CHRNA3: variants seen among roughly 807,000 people sequenced by gnomAD.
CHRNA3 encodes cholinergic receptor nicotinic alpha 3 subunit, also known as neuronal acetylcholine receptor subunit alpha-3.
Under a neutral mutation model 41.9 loss-of-function variants are expected in CHRNA3, and 34 were observed. The observed-to-expected ratio is 0.81, with a 90% CI of 0.62 to 1.08. The LOEUF is 1.08. Ranked by LOEUF, CHRNA3 falls within the 50% of genes least tolerant of loss-of-function variation. The probability of loss-of-function intolerance (pLI) is 0.00; values close to 1 mark genes in which losing one functional copy is unlikely to be tolerated. For missense variants in CHRNA3, 542 were observed against 638.3 expected, an observed-to-expected ratio of 0.85 and a Z score of 1.63; for synonymous variants, 281 against 265.2, an observed-to-expected ratio of 1.06 and a Z score of -0.58.
In CHRNA3 at chr15:78,610,185, C is replaced by T. The variant is rs191922107; in HGVS notation, c.377+6839G>A. Among the ~76,000 whole-genome samples the T allele has an allele frequency of 2.2e-3, 338 of 152,176 alleles. 1 individual carries two copies. The highest frequency in any genetic ancestry group is 7.6e-3 in the African/African-American group (315 of 41,510). Reference sequence around the variant, plus strand: ...CAGATCAACAAGACAAAGTTAACAACGATACCCAGGAATTGAACTCAGCTC... The same window carrying T: ...CAGATCAACAAGACAAAGTTAACAATGATACCCAGGAATTGAACTCAGCTC... On this transcript the variant is annotated intron_variant, in intron 4 of 5. Coordinates refer to ENST00000326828, the MANE Select transcript of CHRNA3 (RefSeq NM_000743.5).
intron 4 of CHRNA3, among the ~76,000 whole-genome samples, chr15:78,610,014 CAAG>C (rs1852208446): frequency 6.6e-6 from 1 of 152,168 alleles, no homozygotes; most frequent in Non-Finnish European, 1.5e-5. Context: ...ATCAATTCAA[CAAG>C]AAGAGCTAAC....
intron 5 of CHRNA3, among the ~76,000 whole-genome samples, chr15:78,599,033 T>G (rs1238087519): frequency 1.4e-5 from 2 of 142,380 alleles, no homozygotes; most frequent in Non-Finnish European, 3.0e-5. Flanking sequence ...GAGATGGAGG[T>G]TCACCATTGT....
chr15:78,602,633 G>C (rs1460247778), intron 4 of CHRNA3, among the ~76,000 whole-genome samples: 1 of 152,168 alleles, frequency 6.6e-6, no homozygotes, highest in African/African-American at 2.4e-5. Context: ...AGCAGCCTTT[G>C]GGATTATTTG....
Position 78,596,111 on chromosome 15 carries a change from C to T in CHRNA3, c.*493G>A, listed in dbSNP as rs1316000529. On this transcript the variant is annotated 3_prime_UTR_variant, in exon 6 of 6. Transcript: ENST00000326828. ...TAGTTGAAGCTCTCTGAAATGGAGG[C>T]ATAGCCCTTTAGACCCAGTAAAGAA... 4.0e-5 allele frequency: 39 copies of T among 985,310 alleles called. No individual in the cohort carries two copies. The highest frequency in any genetic ancestry group is 4.2e-5 in the Non-Finnish European group (35 of 829,924). The allele number at this position is 985,310 out of a possible 1,614,324, so 61.0% of individuals were successfully genotyped here.
intron 3 of CHRNA3, 54 bp downstream of exon 3, chr15:78,618,563 C>G: frequency 6.2e-7 from 1 of 1,607,964 alleles, no homozygotes; most frequent in Non-Finnish European, 8.5e-7. Flanking sequence ...TCACCTAAAG[C>G]AAATAAAACA....
At chr15:78,602,776 G>A (rs2053226251) in intron 4 of CHRNA3, among the ~76,000 whole-genome samples, 1 of 152,126 alleles carries the variant, frequency 6.6e-6, no homozygotes, top group Non-Finnish European at 1.5e-5. Context: ...CCCATTAAAC[G>A]GAACCTTGTC....
chr15:78,608,266 T>A lies in CHRNA3; in HGVS notation c.378-6002A>T, dbSNP rs370394477. ...ATCTGAGAACGGGCAGACTGCCTCC[T>A]CAAGTGGGTCCCTGACCCCCGAGCA... On this transcript the variant is annotated intron_variant, in intron 4 of 5. Transcript: ENST00000326828. 5.6e-4 allele frequency among the ~76,000 whole-genome samples: 86 copies of A among 152,332 alleles called. 2 individuals carry two copies. In the East Asian group the frequency reaches 0.013, roughly 23 times the overall value.
In CHRNA3 at chr15:78,596,357, A is replaced by C; in HGVS notation, c.*247T>G. 4.4e-6 allele frequency: 5 copies of C among 1,139,182 alleles called. No individual in the cohort carries two copies. The South Asian group carries it at 1.8e-4, about 41-fold the overall frequency. 70.6% of individuals were successfully genotyped at this position (1,139,182 alleles called of 1,614,324 possible). A position where few individuals can be genotyped will look rare whatever the true frequency, so the allele number is the denominator to read the frequency against. ...TATTCCATAGCATAGCATACTAATC[A>C]CATAGAATCACATTTTGACATCTCT... On this transcript the variant is annotated 3_prime_UTR_variant, in exon 6 of 6. Transcript: ENST00000326828.
rs779709558 is a variant in CHRNA3, at chr15:78,616,976, AG to A, written c.377+47del. On this transcript the variant is annotated intron_variant, in intron 4 of 5. Transcript: ENST00000326828. ...TAAGCACAGTGGGCCAAAAACCCAG[AG>A]CCCAGGCTGACAGCCCTGAGAGGGC... The A allele has an allele frequency of 3.6e-6, 5 of 1,378,658 alleles. No homozygotes were observed. In the East Asian group the frequency reaches 1.2e-4, roughly 32 times the overall value. 85.4% of individuals were successfully genotyped at this position (1,378,658 alleles called of 1,614,324 possible). A position where few individuals can be genotyped will look rare whatever the true frequency, so the allele number is the denominator to read the frequency against.
chr15:78,608,010 G>T (rs1014279954), intron 4 of CHRNA3, among the ~76,000 whole-genome samples: 2 of 152,210 alleles, frequency 1.3e-5, no homozygotes, highest in Non-Finnish European at 2.9e-5. Context: ...AGGCGGCAGC[G>T]ATGCTGGGGG....
At position 78,609,675 on chromosome 15, in the gene CHRNA3, G is replaced by A. The variant is rs549801421; in HGVS notation, c.377+7349C>T. On this transcript the variant is annotated intron_variant, in intron 4 of 5. Transcript: ENST00000326828. ...CTAGGAAGAAACTGCATCAACTAAC[G>A]AGCAAAATCACCAGCTAACATAATA... Among the ~76,000 whole-genome samples, 26 of 152,214 alleles carry A rather than the reference G, an allele frequency of 1.7e-4. No homozygotes were observed. In the East Asian group the frequency reaches 4.1e-3, roughly 24 times the overall value.
rs776823198 is a variant in CHRNA3 at position 78,618,794 on chromosome 15, C to T, written c.204G>A (p.Met68Ile). Residue 68 changes from methionine (M) to isoleucine (I), a missense_variant, in exon 2 of 6, where the codon ATG (methionine) becomes ATA (isoleucine). Met to Ile is a conservative substitution (Grantham distance 10). Transcript: ENST00000326828. Reference sequence around the variant, plus strand: ...CACTCACCACCTTCACCAGCTGAGACATGGACACCTCGAAATGGATGATGA... The same window carrying T: ...CACTCACCACCTTCACCAGCTGAGATATGGACACCTCGAAATGGATGATGA... ...DPVIIHFEVS[M>I]SQLVKVDEVN... The T allele has an allele frequency of 6.2e-7, 1 of 1,614,156 alleles. No individual in the cohort carries two copies. Among genetic ancestry groups the T allele is most frequent in the Admixed American group, 1.7e-5 (1 of 60,032 alleles).
rs569926669 is a variant in CHRNA3 at position 78,605,554 on chromosome 15, T to C, written c.378-3290A>G. On this transcript the variant is annotated intron_variant, in intron 4 of 5. Transcript: ENST00000326828. ...ACTGAATCCTCAGCAAGGGGAACAA[T>C]GGAACAGAGAGGGCTCCACAGGTTC... is the stretch of plus-strand genomic sequence containing the variant. 3.9e-5 allele frequency among the ~76,000 whole-genome samples: 6 copies of C among 152,172 alleles called. No homozygotes were observed. In the South Asian group the frequency reaches 1.2e-3, roughly 32 times the overall value.
chr15:78,620,846 G>C lies in CHRNA3; in HGVS notation c.-52C>G, dbSNP rs1425782250. 1 of 1,328,256 alleles carries C rather than the reference G, an allele frequency of 7.5e-7. No homozygotes were observed. The highest frequency in any genetic ancestry group is 9.5e-7 in the Non-Finnish European group (1 of 1,048,444). 82.3% of individuals were successfully genotyped at this position (1,328,256 alleles called of 1,614,324 possible). Reference sequence around the variant, plus strand: ...CCGGACGGTCGGGAGCGGGCGCGGCGGTCGCAGAGACGGCCTCTCCCCGCG... The same window carrying C: ...CCGGACGGTCGGGAGCGGGCGCGGCCGTCGCAGAGACGGCCTCTCCCCGCG... On this transcript the variant is annotated 5_prime_UTR_variant, in exon 1 of 6. Coordinates refer to ENST00000326828, the MANE Select transcript of CHRNA3 (RefSeq NM_000743.5).
chr15:78,608,841 T>C (rs2053338771), intron 4 of CHRNA3, among the ~76,000 whole-genome samples: 1 of 151,690 alleles, frequency 6.6e-6, no homozygotes, highest in Admixed American at 6.6e-5. Flanking sequence ...GAAAAAAAAA[T>C]TAGACAAATG....
intron 5 of CHRNA3, 54 bp downstream of exon 5, chr15:78,601,199 A>G (rs2053190913): frequency 1.3e-6 from 2 of 1,566,904 alleles, no homozygotes; most frequent in Admixed American, 3.6e-5. Context: ...CGAGGAACCC[A>G]TAAATATTTG....
At chr15:78,601,051 T>A (rs142438107) in intron 5 of CHRNA3, among the ~76,000 whole-genome samples, 1 of 151,894 alleles carries the variant, frequency 6.6e-6, no homozygotes, top group Non-Finnish European at 1.5e-5. Flanking sequence ...CATACCAAGC[T>A]TTATCATCCC....
chr15:78,600,940 C>G (rs1395058923), intron 5 of CHRNA3, among the ~76,000 whole-genome samples: 1 of 152,124 alleles, frequency 6.6e-6, no homozygotes, highest in Non-Finnish European at 1.5e-5. Flanking sequence ...GCCCCATGCC[C>G]TTTTCCAGCC....
At chr15:78,604,136 A>G (rs1046641559) in intron 4 of CHRNA3, among the ~76,000 whole-genome samples, 1 of 152,174 alleles carries the variant, frequency 6.6e-6, no homozygotes, top group Non-Finnish European at 1.5e-5. Flanking sequence ...TCTTTCTGTA[A>G]ATAAAATCTG....
Sources: gnomAD v4.1 joint callset for allele counts (sites outside exome capture counted in the v4.1 genomes callset) on GRCh38, gnomAD v4.1.1 for gene constraint, MANE v1.5 for transcripts, NCBI Gene and HGNC (gene_info 2026-07-23, HGNC 2026-07-21) for gene names.